The following SCHIP1 variants were observed in gnomAD, a reference collection of about 807,000 sequenced individuals.
SCHIP1 encodes schwannomin interacting protein 1, also known as schwannomin-interacting protein 1.
In SCHIP1, 8 loss-of-function variants were observed where a neutral mutation model predicts 29.7. The ratio of observed to expected loss-of-function variants is 0.27; its 90% CI spans 0.16 to 0.49. The LOEUF is 0.49. Among genes scored for constraint, SCHIP1 ranks in the 20% least tolerant of loss-of-function variants. The probability of loss-of-function intolerance (pLI) is 0.99; values close to 1 mark genes in which losing one functional copy is unlikely to be tolerated. For missense variants in SCHIP1, 193 were observed against 294.6 expected, an observed-to-expected ratio of 0.66 and a Z score of 2.52; for synonymous variants, 76 against 94.9, an observed-to-expected ratio of 0.80 and a Z score of 1.16.
chr3:159,683,203 A>T, the SCHIP1 span, among the ~76,000 whole-genome samples: 1 of 152,040 alleles, frequency 6.6e-6, no homozygotes, highest in South Asian at 2.1e-4. Context: ...GGCGCACACC[A>T]CCAGGCCCGA....
the SCHIP1 span, among the ~76,000 whole-genome samples, chr3:159,320,933 G>C: frequency 6.6e-6 from 1 of 151,866 alleles, no homozygotes; most frequent in South Asian, 2.1e-4. Context: ...ACCTGGCATG[G>C]AGTGACTACT....
the SCHIP1 span, among the ~76,000 whole-genome samples, chr3:159,613,943 A>T: frequency 6.6e-6 from 1 of 152,224 alleles, no homozygotes; most frequent in South Asian, 2.1e-4. Context: ...ACAGTCTTCA[A>T]TTAATAACAA....
intron 1 of SCHIP1, among the ~76,000 whole-genome samples, chr3:159,848,837 T>C (rs1280570212): frequency 6.6e-6 from 1 of 152,108 alleles, no homozygotes; most frequent in Non-Finnish European, 1.5e-5. Context: ...TAGGAAACTC[T>C]CAGATATTTT....
chr3:159,704,369 A>G, the SCHIP1 span, among the ~76,000 whole-genome samples: 97 of 133,610 alleles, frequency 7.3e-4, no homozygotes, highest in East Asian at 0.024. Flanking sequence ...TGGGAGGCGG[A>G]GGTTGTAGTG....
the SCHIP1 span, among the ~76,000 whole-genome samples, chr3:159,587,460 G>C: frequency 0.059 from 8,922 of 151,708 alleles, 912 homozygotes; most frequent in African/African-American, 0.21. Context: ...CATTTGACGT[G>C]AATACATAAC....
At chr3:159,709,140 T>C in the SCHIP1 span, among the ~76,000 whole-genome samples, 1 of 152,062 alleles carries the variant, frequency 6.6e-6, no homozygotes, top group African/African-American at 2.4e-5. Context: ...GCCAAAGAGA[T>C]TGGCTCATTC....
At chr3:159,451,271 A>G in the SCHIP1 span, among the ~76,000 whole-genome samples, 2 of 152,216 alleles carry the variant, frequency 1.3e-5, no homozygotes, top group African/African-American at 4.8e-5. Context: ...GTTAATGTTT[A>G]CACAACCCTC....
the SCHIP1 span, among the ~76,000 whole-genome samples, chr3:159,281,737 A>G: frequency 2.0e-4 from 31 of 152,150 alleles, no homozygotes; most frequent in Non-Finnish European, 4.3e-4. Context: ...TTTCTAAACT[A>G]CATTGTAATA....
the SCHIP1 span, among the ~76,000 whole-genome samples, chr3:159,544,785 C>T: frequency 6.2e-4 from 94 of 152,136 alleles, 1 homozygote; most frequent in Admixed American, 3.4e-3. Context: ...TACCTTCTCC[C>T]ATAATGTAGA....
chr3:159,363,640 C>T, the SCHIP1 span, among the ~76,000 whole-genome samples: 1 of 152,174 alleles, frequency 6.6e-6, no homozygotes, highest in Non-Finnish European at 1.5e-5. Context: ...CCCACCAACC[C>T]AATCACTCTC....
the SCHIP1 span, among the ~76,000 whole-genome samples, chr3:159,351,869 C>G: frequency 6.6e-6 from 1 of 152,124 alleles, no homozygotes; most frequent in African/African-American, 2.4e-5. Flanking sequence ...CACAGCTTGT[C>G]TAGGGCAGAG....
At chr3:159,748,368 G>A in the SCHIP1 span, among the ~76,000 whole-genome samples, 1 of 152,182 alleles carries the variant, frequency 6.6e-6, no homozygotes, top group Admixed American at 6.5e-5. Context: ...CTAATGTAAA[G>A]TTTCCCTTTT....
At chr3:159,883,834 A>G (rs906736092) in intron 2 of SCHIP1, among the ~76,000 whole-genome samples, 4 of 152,050 alleles carry the variant, frequency 2.6e-5, no homozygotes, top group Admixed American at 6.6e-5. Flanking sequence ...TACGCAGACT[A>G]CTAAATCTCC....
the SCHIP1 span, among the ~76,000 whole-genome samples, chr3:159,599,618 G>A: frequency 2.6e-5 from 4 of 152,260 alleles, no homozygotes; most frequent in Admixed American, 2.6e-4. Context: ...TCCATGCTAT[G>A]TATATATACC....
the SCHIP1 span, among the ~76,000 whole-genome samples, chr3:159,821,119 C>G: frequency 6.6e-6 from 1 of 152,008 alleles, no homozygotes; most frequent in Non-Finnish European, 1.5e-5. Flanking sequence ...AGGAAAAGAA[C>G]CAGAGGAGAA....
chr3:159,764,996 C>T, the SCHIP1 span: 5 of 1,530,416 alleles, frequency 3.3e-6, no homozygotes, highest in Admixed American at 8.1e-5. The surrounding 1 kb of genome is among the most constrained non-coding windows in gnomAD (Gnocchi z 6.1). Context: ...TGCCTTCAGC[C>T]CCCAGACGGC....
the SCHIP1 span, among the ~76,000 whole-genome samples, chr3:159,423,498 C>T: frequency 2.0e-5 from 3 of 152,222 alleles, no homozygotes; most frequent in Admixed American, 6.5e-5. Flanking sequence ...GGCAGCGAGG[C>T]TGGGGGAGGG....
chr3:159,551,334 A>G, the SCHIP1 span, among the ~76,000 whole-genome samples: 7 of 152,300 alleles, frequency 4.6e-5, no homozygotes, highest in South Asian at 1.2e-3. Context: ...ATATAATAAT[A>G]TGCACCACAC....
the SCHIP1 span, among the ~76,000 whole-genome samples, chr3:159,822,858 T>C: frequency 6.6e-6 from 1 of 151,372 alleles, no homozygotes; most frequent in African/African-American, 2.4e-5. Context: ...AATTAATTGT[T>C]TGCAAGCAAG....
Sources: allele counts gnomAD v4.1 joint callset (sites outside exome capture counted in the v4.1 genomes callset), GRCh38; gene constraint gnomAD v4.1.1; non-coding constraint Gnocchi (gnomAD v3.1); transcripts MANE v1.5; gene names NCBI Gene and HGNC (gene_info 2026-07-23, HGNC 2026-07-21).